The following TBCK variants were observed in gnomAD, a reference collection of about 807,000 sequenced individuals.
TBCK encodes the protein TBC domain-containing protein kinase-like protein.
TBCK carries 99 observed loss-of-function variants against 113.4 expected under a neutral mutation model. The observed-to-expected ratio is 0.87, with a 90% confidence interval of 0.74 to 1.03. The LOEUF is 1.03. Among genes scored for constraint, TBCK ranks in the 50% least tolerant of loss-of-function variants. The pLI is 0.00. For missense variants in TBCK, 1,045 were observed against 1,061.3 expected (o/e 0.98, Z 0.21); for synonymous variants, 369 against 370.8 (o/e 1.00, Z 0.05).
At chr4:106,117,127 T>C (rs549345931) in intron 23 of TBCK, among the ~76,000 whole-genome samples, 3 of 152,118 alleles carry the variant, frequency 2.0e-5, no homozygotes, top group Non-Finnish European at 2.9e-5. Flanking sequence ...CATTATTGTT[T>C]TGATTGACTG....
chr4:106,176,326 C>A (rs762448151), intron 22 of TBCK, among the ~76,000 whole-genome samples: 2 of 151,998 alleles, frequency 1.3e-5, no homozygotes, highest in Non-Finnish European at 2.9e-5. Context: ...TCATCCCCAT[C>A]CCCCAGCCCA....
Position 106,232,920 on chromosome 4 carries a change from A to C in TBCK, c.1639+18T>G. ...TTTTCTAATACTCCAGAGGAGTTTT[A>C]ATGACTACAAAAGTTACCTTGCCAA... On this transcript the variant is annotated intron_variant, in intron 17 of 25. Coordinates refer to ENST00000394708, the MANE Select transcript of TBCK (RefSeq NM_001163435.3). The C allele has an allele frequency of 6.2e-7, 1 of 1,605,322 alleles. No homozygotes were observed. Among genetic ancestry groups the C allele is most frequent in the Non-Finnish European group, 8.5e-7 (1 of 1,176,032 alleles).
chr4:106,242,975 T>C (rs1187864318), intron 11 of TBCK, among the ~76,000 whole-genome samples: 1 of 151,380 alleles, frequency 6.6e-6, no homozygotes, highest in East Asian at 2.0e-4. Context: ...TGGTTTTTTG[T>C]TCTTGCGATA....
intron 25 of TBCK, among the ~76,000 whole-genome samples, chr4:106,064,658 C>T (rs1023524216): frequency 6.6e-6 from 1 of 151,908 alleles, no homozygotes; most frequent in Non-Finnish European, 1.5e-5. Context: ...GTCTCATAAT[C>T]ACAAAATATT....
chr4:106,083,546 G>A (rs1427226136), intron 25 of TBCK, among the ~76,000 whole-genome samples: 1 of 152,098 alleles, frequency 6.6e-6, no homozygotes, highest in Admixed American at 6.5e-5. Flanking sequence ...CAGACGAGTG[G>A]GTTTCCCCCC....
intron 22 of TBCK, among the ~76,000 whole-genome samples, chr4:106,183,665 T>C (rs1217233168): frequency 6.6e-6 from 1 of 152,114 alleles, no homozygotes; most frequent in Non-Finnish European, 1.5e-5. Flanking sequence ...TGACCAGCAG[T>C]TCACACAATT....
At chr4:106,095,197 G>A (rs910973193) in intron 25 of TBCK, among the ~76,000 whole-genome samples, 2 of 152,112 alleles carry the variant, frequency 1.3e-5, no homozygotes, top group African/African-American at 4.8e-5. Context: ...CTCCAGTGGA[G>A]GGAATTCAAG....
intron 23 of TBCK, among the ~76,000 whole-genome samples, chr4:106,150,425 A>G (rs905590705): frequency 1.1e-4 from 16 of 152,154 alleles, no homozygotes; most frequent in African/African-American, 3.4e-4. Context: ...TAGTAAAAAC[A>G]TAAGTTACAG....
At chr4:106,131,939 C>T (rs1050971587) in intron 23 of TBCK, among the ~76,000 whole-genome samples, 13 of 152,138 alleles carry the variant, frequency 8.5e-5, no homozygotes, top group Non-Finnish European at 4.4e-5. Flanking sequence ...TGCCCCTGCA[C>T]TAGAGATCTG....
At chr4:106,130,525 T>C (rs867322219) in intron 23 of TBCK, among the ~76,000 whole-genome samples, 5 of 152,006 alleles carry the variant, frequency 3.3e-5, no homozygotes, top group Admixed American at 2.0e-4. Context: ...GGATATTATA[T>C]ATTATCAAGG....
intron 25 of TBCK, among the ~76,000 whole-genome samples, chr4:106,088,788 T>A (rs1739818259): frequency 6.6e-6 from 1 of 152,158 alleles, no homozygotes; most frequent in African/African-American, 2.4e-5. Context: ...GGGACATGGA[T>A]GAAGCTGGAA....
intron 22 of TBCK, among the ~76,000 whole-genome samples, chr4:106,182,152 T>C (rs1752470528): frequency 6.6e-6 from 1 of 152,180 alleles, no homozygotes. Context: ...AGTTCACTCA[T>C]GATTTGGCTC....
rs1332284498 is a variant in TBCK at position 106,060,035 on chromosome 4, T to C, written c.2572-13355A>G. On this transcript the variant is annotated intron_variant, in intron 25 of 25. Coordinates refer to ENST00000394708, the MANE Select transcript of TBCK (RefSeq NM_001163435.3). ...CCAATTCTATGAAGGCTGTGAGAGA[T>C]GAGGAAGCTGGAGAAGAAAAGTTGG... 2.6e-5 allele frequency among the ~76,000 whole-genome samples: 4 copies of C among 151,788 alleles called. No individual in the cohort carries two copies. The East Asian group carries it at 7.8e-4, about 30-fold the overall frequency.
chr4:106,121,800 G>C (rs1477378145), intron 23 of TBCK, among the ~76,000 whole-genome samples: 12 of 152,222 alleles, frequency 7.9e-5, no homozygotes, highest in Non-Finnish European at 1.5e-4. Flanking sequence ...AATGAAGGCA[G>C]AAATAAAGAT....
rs549144857 is a variant in TBCK at position 106,160,189 on chromosome 4, G to C, written c.2235+10906C>G. On this transcript the variant is annotated intron_variant, in intron 23 of 25. Transcript: ENST00000394708. ...TTAAGACTCTTAGAAGAAAACATAG[G>C]GCAAAAGCTTCATGATACTGGAGTT... Among the ~76,000 whole-genome samples the C allele has an allele frequency of 7.2e-5, 11 of 151,886 alleles. No individual in the cohort carries two copies. In the South Asian group the frequency reaches 2.3e-3, roughly 32 times the overall value.
chr4:106,090,250 G>A (rs550625677), intron 25 of TBCK, among the ~76,000 whole-genome samples: 1 of 152,364 alleles, frequency 6.6e-6, no homozygotes, highest in East Asian at 1.9e-4. Context: ...TAGGGTGGCA[G>A]CCTGAGCTTT....
chr4:106,184,950 G>C (rs1752838470), intron 22 of TBCK, among the ~76,000 whole-genome samples: 1 of 152,000 alleles, frequency 6.6e-6, no homozygotes, highest in Non-Finnish European at 1.5e-5. Context: ...CAAAGTATCT[G>C]TATCTACTCT....
chr4:106,269,961 T>C (rs946200728), intron 3 of TBCK, among the ~76,000 whole-genome samples: 1 of 152,110 alleles, frequency 6.6e-6, no homozygotes, highest in South Asian at 2.1e-4. Flanking sequence ...TAGACAGTGT[T>C]CCAACTTCAC....
intron 19 of TBCK, among the ~76,000 whole-genome samples, chr4:106,225,856 G>C (rs944539943): frequency 6.6e-6 from 1 of 151,886 alleles, no homozygotes; most frequent in South Asian, 2.1e-4. Flanking sequence ...TATCTGTATA[G>C]TATGCCTTTT....
Sources: allele counts gnomAD v4.1 joint callset (sites outside exome capture counted in the v4.1 genomes callset), GRCh38; gene constraint gnomAD v4.1.1; transcripts MANE v1.5; gene names NCBI Gene and HGNC (gene_info 2026-07-23, HGNC 2026-07-21).